The following SLC17A4 variants were observed in gnomAD, a reference collection of about 807,000 sequenced individuals.
The protein encoded by SLC17A4 is probable small intestine urate exporter.
A neutral mutation model predicts 52.5 loss-of-function variants in SLC17A4; 33 were observed. The ratio of observed to expected loss-of-function variants is 0.63; its 90% CI spans 0.48 to 0.84. The LOEUF (loss-of-function observed/expected upper bound fraction) is 0.84, where lower values mean the gene tolerates loss of function less well. SLC17A4 is among the 40% of genes least tolerant of loss of function. The probability of loss-of-function intolerance (pLI) is 0.00; values close to 1 mark genes in which losing one functional copy is unlikely to be tolerated. For synonymous variants in SLC17A4, 225 were observed against 216.2 expected (o/e 1.04, Z -0.36); for missense variants, 585 against 597.1 (o/e 0.98, Z 0.21).
At chr6:25,754,706 C>T (rs1760857091), upstream of SLC17A4, 1 of 152,018 alleles carries the variant, frequency 6.6e-6, no homozygotes, top group East Asian at 1.9e-4. Context: ...TATTTACCTC[C>T]CAGAATTAGA....
intron 1 of SLC17A4, among the ~76,000 whole-genome samples, chr6:25,755,005 A>T (rs1760879739): frequency 6.6e-6 from 1 of 151,622 alleles, no homozygotes; most frequent in African/African-American, 2.4e-5. Flanking sequence ...GAAATTTTCT[A>T]AAAGTATAGC....
chr6:25,772,811 C>T (rs1195792199), intron 6 of SLC17A4, among the ~76,000 whole-genome samples: 2 of 152,150 alleles, frequency 1.3e-5, no homozygotes, highest in Non-Finnish European at 2.9e-5. Context: ...GGGGCAAACA[C>T]GCTACTAACT....
Position 25,770,935 on chromosome 6 carries a change from T to C in SLC17A4, c.629T>C (p.Leu210Pro), listed in dbSNP as rs1221148973. 16 of 1,613,688 alleles carry C rather than the reference T, an allele frequency of 9.9e-6. No individual in the cohort carries two copies. Among genetic ancestry groups the C allele is most frequent in the Non-Finnish European group, 1.3e-5 (15 of 1,179,620 alleles). The change falls in exon 6 of 12, where the codon CTG (leucine) becomes CCG (proline). Residue 210 changes from leucine to proline, a missense_variant. Physicochemically the swap from Leu to Pro is moderately conservative, Grantham distance 98 (BLOSUM62 -3). Transcript: ENST00000377905. ...LTTIAGSGSM[L>P]GSFIVLLAGG... ...CGCCTCTTCTGTTCAGGGTCAATGC[T>C]GGGGTCCTTCATTGTTCTACTTGCT... is the stretch of plus-strand genomic sequence containing the variant.
intron 2 of SLC17A4, chr6:25,768,193 A>G (rs1305435605): frequency 1.7e-5 from 3 of 174,092 alleles, no homozygotes; most frequent in Non-Finnish European, 3.4e-5. Flanking sequence ...AACCAAAGGT[A>G]AGAGCTAGAA....
At chr6:25,769,276 C>A in intron 3 of SLC17A4, 86 bp downstream of exon 3, 1 of 1,253,824 alleles carries the variant, frequency 8.0e-7, no homozygotes, top group Non-Finnish European at 1.1e-6. Context: ...CATTTAACCA[C>A]TAAGTATTTA....
chr6:25,776,625 G>C lies in SLC17A4; in HGVS notation c.1018G>C (p.Val340Leu). ...SGILSALPFV[V>L]GCICIILGGL... Reference sequence around the variant, plus strand: ...GATCCTGTCTGCCTTGCCGTTTGTTGTTGGATGTATCTGCATTATCCTTGG... The same window carrying C: ...GATCCTGTCTGCCTTGCCGTTTGTTCTTGGATGTATCTGCATTATCCTTGG... Residue 340 changes from valine to leucine, a missense_variant, in exon 9 of 12, where the codon GTT becomes CTT. Transcript: ENST00000377905. 6.2e-7 allele frequency: 1 copy of C among 1,612,710 alleles called. No homozygotes were observed. The highest frequency in any genetic ancestry group is 8.5e-7 in the Non-Finnish European group (1 of 1,179,202).
chr6:25,773,837 A>G (rs1762678741), intron 8 of SLC17A4, among the ~76,000 whole-genome samples, 163 bp downstream of exon 8: 1 of 152,088 alleles, frequency 6.6e-6, no homozygotes, highest in South Asian at 2.1e-4. Flanking sequence ...ATTCTGATTG[A>G]TCTCAATGTG....
At position 25,779,096 on chromosome 6, in the gene SLC17A4, G is replaced by A. The variant is rs1471361235; in HGVS notation, c.1402G>A (p.Ala468Thr). ...GAGAAATGTCTTCTTGCTTTCAGCT[G>A]CTGTTAACATATCGGGCCTGGTTTT... is the stretch of plus-strand genomic sequence containing the variant. ...GWRNVFLLSA[A>T]VNISGLVFYL... The change falls in exon 12 of 12, where the codon GCT becomes ACT. Residue 468 changes from alanine (A) to threonine (T), a missense_variant. Physicochemically the swap from Ala to Thr is moderately conservative, Grantham distance 58. Coordinates refer to ENST00000377905, the MANE Select transcript of SLC17A4 (RefSeq NM_005495.3). 1.2e-6 allele frequency: 2 copies of A among 1,613,786 alleles called. No homozygotes were observed. Among genetic ancestry groups the A allele is most frequent in the Non-Finnish European group, 1.7e-6 (2 of 1,179,810 alleles).
intron 2 of SLC17A4, 97 bp from the exon 3 acceptor site, chr6:25,768,888 C>A: frequency 2.7e-6 from 3 of 1,107,498 alleles, no homozygotes; most frequent in Non-Finnish European, 4.0e-6. Flanking sequence ...TATATTTCTG[C>A]ATCTCAGACA....
In SLC17A4 at chr6:25,776,459, T is replaced by C. The variant is rs188324438; in HGVS notation, c.988-136T>C. Reference sequence around the variant, plus strand: ...ATACTAAAAGTATATTGGCTCATTATAGTAACATGGAATTTGTATTAAAAG... The same window carrying C: ...ATACTAAAAGTATATTGGCTCATTACAGTAACATGGAATTTGTATTAAAAG... On this transcript the variant is annotated intron_variant, in intron 8 of 11. Transcript: ENST00000377905. The C allele has an allele frequency of 2.0e-5, 21 of 1,038,938 alleles. No homozygotes were observed. In the East Asian group the frequency reaches 4.1e-4, roughly 20 times the overall value. 64.4% of individuals were successfully genotyped at this position (1,038,938 alleles called of 1,614,324 possible).
At chr6:25,773,905 T>G (rs1389130863) in intron 8 of SLC17A4, among the ~76,000 whole-genome samples, 1 of 152,164 alleles carries the variant, frequency 6.6e-6, no homozygotes, top group African/African-American at 2.4e-5. Context: ...TTTCATACAC[T>G]ATCATATTTT....
At chr6:25,760,543 A>G (rs984435415) in intron 1 of SLC17A4, among the ~76,000 whole-genome samples, 2 of 152,062 alleles carry the variant, frequency 1.3e-5, no homozygotes, top group Non-Finnish European at 2.9e-5. Context: ...CCTATCCGTT[A>G]TTTCCTAAAG....
Position 25,777,955 on chromosome 6 carries a change from A to G in SLC17A4, c.1298A>G (p.Gln433Arg), listed in dbSNP as rs749856666. ...ACTGGCTTTCTCAAAGGACTATTGC[A>G]AGTCTTTGCACACATAGCTGGAGCC... ...RYTGFLKGLL[Q>R]VFAHIAGAIS... Residue 433 changes from glutamine (Q) to arginine (R), a missense_variant, in exon 11 of 12, where the codon CAA (glutamine) becomes CGA (arginine). Coordinates refer to ENST00000377905, the MANE Select transcript of SLC17A4 (RefSeq NM_005495.3). 1 of 1,613,132 alleles carries G rather than the reference A, an allele frequency of 6.2e-7. No individual in the cohort carries two copies. Among genetic ancestry groups the G allele is most frequent in the East Asian group, 2.2e-5 (1 of 44,864 alleles).
chr6:25,758,935 T>C (rs1761276204), intron 1 of SLC17A4, among the ~76,000 whole-genome samples: 1 of 152,214 alleles, frequency 6.6e-6, no homozygotes, highest in Non-Finnish European at 1.5e-5. Flanking sequence ...AGGCATTTAA[T>C]GGTATGAACT....
intron 8 of SLC17A4, 43 bp from the exon 9 acceptor site, chr6:25,776,552 G>C: frequency 6.4e-7 from 1 of 1,552,386 alleles, no homozygotes; most frequent in Non-Finnish European, 8.7e-7. Flanking sequence ...TCGTGGTGGG[G>C]GTGGTAAGGG....
intron 8 of SLC17A4, among the ~76,000 whole-genome samples, chr6:25,775,942 A>T (rs1762877396): frequency 2.0e-5 from 3 of 152,176 alleles, no homozygotes; most frequent in African/African-American, 7.2e-5. Flanking sequence ...ATTGTTTCCC[A>T]TCTTTGAGCA....
At chr6:25,770,867 G>T in intron 5 of SLC17A4, 59 bp from the exon 6 acceptor site, 3 of 1,318,304 alleles carry the variant, frequency 2.3e-6, no homozygotes, top group Non-Finnish European at 3.3e-6. Context: ...ATTGTAGAAA[G>T]CACATAGAGC....
At chr6:25,770,606 G>A in intron 5 of SLC17A4, 135 bp downstream of exon 5, 1 of 782,326 alleles carries the variant, frequency 1.3e-6, no homozygotes, top group Non-Finnish European at 2.2e-6. Context: ...ACCCCATACT[G>A]CCTTACTTGA....
Position 25,768,983 on chromosome 6 carries a change from A to G in SLC17A4, c.92-2A>G, listed in dbSNP as rs1762251235. 1.9e-6 allele frequency: 3 copies of G among 1,613,800 alleles called. No individual in the cohort carries two copies. In the Admixed American group the frequency reaches 5.0e-5, roughly 27 times the overall value. ...TGATTTTTCATGCCCTTTTCCTCTCAGGTTTTTGTTCAGTCCGACATGGGC... is the reference window on the plus strand; with the variant it reads ...TGATTTTTCATGCCCTTTTCCTCTCGGGTTTTTGTTCAGTCCGACATGGGC... On this transcript the variant is annotated splice_acceptor_variant, in intron 2 of 11. Transcript: ENST00000377905. LOFTEE classifies it high-confidence loss of function.
Sources: allele counts gnomAD v4.1 joint callset (sites outside exome capture counted in the v4.1 genomes callset), GRCh38; gene constraint gnomAD v4.1.1; transcripts MANE v1.5; gene names NCBI Gene and HGNC (gene_info 2026-07-23, HGNC 2026-07-21).